IL1RAPL1: variants seen among roughly 807,000 people sequenced by gnomAD.
IL1RAPL1 encodes interleukin-1 receptor accessory protein-like 1.
IL1RAPL1 carries 3 observed loss-of-function variants against 48.4 expected under a neutral mutation model. That is an observed-to-expected ratio of 0.06 (90% CI 0.03 to 0.16). The LOEUF (loss-of-function observed/expected upper bound fraction) is 0.16. IL1RAPL1 is among the 10% of genes least tolerant of loss of function. IL1RAPL1 has a pLI of 1.00. For synonymous variants in IL1RAPL1, 185 were observed against 187.7 expected (o/e 0.99, Z 0.12); for missense variants, 349 against 530.6 (o/e 0.66, Z 3.36).
chrX:29,424,568 A>G (rs1934328182), intron 5 of IL1RAPL1, among the ~76,000 whole-genome samples: 1 of 111,729 alleles, frequency 9.0e-6, no homozygotes, highest in Non-Finnish European at 1.9e-5. Flanking sequence ...GTTCATAATT[A>G]TCTATGAGGC....
chrX:29,632,438 C>T (rs1208343976), intron 5 of IL1RAPL1, among the ~76,000 whole-genome samples: 2 of 111,452 alleles, frequency 1.8e-5, no homozygotes, highest in African/African-American at 3.3e-5. Context: ...CATGAGCCAC[C>T]GCGTCCGGCC....
intron 2 of IL1RAPL1, among the ~76,000 whole-genome samples, chrX:28,972,613 C>G (rs1181762508): frequency 9.0e-6 from 1 of 110,733 alleles, no homozygotes; most frequent in African/African-American, 3.3e-5. Context: ...GTGGCGGGTG[C>G]CTGTAGTCCC....
At chrX:29,196,298 C>T (rs1930442819) in intron 2 of IL1RAPL1, among the ~76,000 whole-genome samples, 1 of 112,108 alleles carries the variant, frequency 8.9e-6, no homozygotes. Context: ...CTGCTTTGTT[C>T]TAGCTCAGTA....
At chrX:29,410,187 G>T (rs894027547) in intron 5 of IL1RAPL1, among the ~76,000 whole-genome samples, 9 of 110,228 alleles carry the variant, frequency 8.2e-5, no homozygotes, top group African/African-American at 3.0e-4. Context: ...TGCTCGCCAG[G>T]TGCAGTGGCT....
At chrX:29,337,592 A>G in intron 3 of IL1RAPL1, among the ~76,000 whole-genome samples, 1 of 111,929 alleles carries the variant, frequency 8.9e-6, no homozygotes, top group East Asian at 2.8e-4. Flanking sequence ...GAGTTGTGAT[A>G]ATGATATATG....
At chrX:28,839,234 G>A (rs1189887616) in intron 2 of IL1RAPL1, among the ~76,000 whole-genome samples, 4 of 111,194 alleles carry the variant, frequency 3.6e-5, no homozygotes, top group African/African-American at 1.3e-4. Context: ...CAGAATTTTA[G>A]TAATATCTCT....
At chrX:29,921,965 TTTAA>T (rs1382892381) in intron 8 of IL1RAPL1, among the ~76,000 whole-genome samples, 2 of 111,844 alleles carry the variant, frequency 1.8e-5, no homozygotes, top group Non-Finnish European at 3.8e-5. Flanking sequence ...TTGAATCTGC[TTTAA>T]TTAAAGAGTT....
chrX:28,647,171 A>G (rs138373181), intron 1 of IL1RAPL1, among the ~76,000 whole-genome samples: 1,216 of 112,587 alleles, frequency 0.011, 16 homozygotes, highest in African/African-American at 0.037. Flanking sequence ...TAAGAAAATC[A>G]TGCTAATTTT....
chrX:29,613,271 A>G (rs1263719130), intron 5 of IL1RAPL1, among the ~76,000 whole-genome samples: 4 of 112,332 alleles, frequency 3.6e-5, no homozygotes, highest in Non-Finnish European at 1.9e-5. Flanking sequence ...GTAAAAATTT[A>G]TTGATGAGAT....
chrX:29,648,159 A>G (rs933268991), intron 5 of IL1RAPL1, among the ~76,000 whole-genome samples: 1 of 111,840 alleles, frequency 8.9e-6, no homozygotes, highest in Non-Finnish European at 1.9e-5. Context: ...GAAAATAGTA[A>G]TAGATCTGAA....
intron 2 of IL1RAPL1, among the ~76,000 whole-genome samples, chrX:29,205,785 A>G (rs1258094922): frequency 9.1e-6 from 1 of 109,513 alleles, no homozygotes; most frequent in Non-Finnish European, 1.9e-5. Context: ...CCCAGGCTGG[A>G]GTGCAGTGGT....
At chrX:29,406,570 C>T (rs909999346) in intron 5 of IL1RAPL1, among the ~76,000 whole-genome samples, 7 of 111,391 alleles carry the variant, frequency 6.3e-5, no homozygotes, top group East Asian at 2.8e-4. Context: ...CATAACTTTG[C>T]GGGTTTTTGC....
intron 2 of IL1RAPL1, among the ~76,000 whole-genome samples, chrX:29,164,184 G>T (rs4353014): frequency 0.33 from 35,865 of 110,226 alleles, 4,396 homozygotes; most frequent in East Asian, 0.59. Context: ...CCTGACTTTG[G>T]ACGGCACACA....
chrX:29,061,894 A>C (rs1224144362), intron 2 of IL1RAPL1, among the ~76,000 whole-genome samples: 1 of 112,435 alleles, frequency 8.9e-6, no homozygotes, highest in Non-Finnish European at 1.9e-5. Context: ...CAAGGAAATA[A>C]AAACTTAACC....
At chrX:28,944,610 G>T (rs752112930) in intron 2 of IL1RAPL1, among the ~76,000 whole-genome samples, 17 of 110,263 alleles carry the variant, frequency 1.5e-4, no homozygotes, top group African/African-American at 4.9e-4. Flanking sequence ...TTAAAATAAT[G>T]ATTGTAACTG....
intron 1 of IL1RAPL1, among the ~76,000 whole-genome samples, chrX:28,652,553 G>C (rs970755684): frequency 8.9e-6 from 1 of 111,974 alleles, no homozygotes; most frequent in South Asian, 3.7e-4. Context: ...GTTCTCCAAA[G>C]TGGTTTTTGA....
chrX:29,800,214 G>T (rs1001493213), intron 6 of IL1RAPL1, among the ~76,000 whole-genome samples: 1 of 110,916 alleles, frequency 9.0e-6, no homozygotes, highest in African/African-American at 3.3e-5. Flanking sequence ...ACAACTGTAG[G>T]CCAGGATCTC....
chrX:28,930,364 T>G (rs993325316), intron 2 of IL1RAPL1, among the ~76,000 whole-genome samples: 1 of 112,034 alleles, frequency 8.9e-6, no homozygotes, highest in Non-Finnish European at 1.9e-5. Flanking sequence ...CTATTGAGTC[T>G]GAAGTAAAGT....
chrX:29,740,952 A>AT (rs1928179943), intron 6 of IL1RAPL1, among the ~76,000 whole-genome samples: 1 of 112,093 alleles, frequency 8.9e-6, no homozygotes, highest in African/African-American at 3.2e-5. Flanking sequence ...AAGCACCTAG[A>AT]TTTCTGTTGT....
Sources: allele counts gnomAD v4.1 joint callset (sites outside exome capture counted in the v4.1 genomes callset), GRCh38; gene constraint gnomAD v4.1.1; transcripts MANE v1.5; gene names NCBI Gene and HGNC (gene_info 2026-07-23, HGNC 2026-07-21).